HSP90AB1: variants seen among roughly 807,000 people sequenced by gnomAD.
HSP90AB1 encodes heat shock protein 90 alpha family class B member 1.
HSP90AB1 carries 17 observed loss-of-function variants against 67.8 expected under a neutral mutation model. The observed-to-expected ratio is 0.25, with a 90% CI of 0.17 to 0.38. HSP90AB1 has a LOEUF of 0.38. HSP90AB1 is among the 10% of genes least tolerant of loss of function. The pLI is 1.00. For missense variants in HSP90AB1, 690 were observed against 899.9 expected, an observed-to-expected ratio of 0.77 and a Z score of 2.98; for synonymous variants, 390 against 312.9, an observed-to-expected ratio of 1.25 and a Z score of -2.60.
At chr6:44,246,925 A>C (rs957786244), upstream of HSP90AB1, among the ~76,000 whole-genome samples, 5 of 152,138 alleles carry the variant, frequency 3.3e-5, no homozygotes, top group Non-Finnish European at 5.9e-5. Context: ...GTGTGGGCGG[A>C]TCCGTTGCTT....
At position 44,253,213 on chromosome 6, in the gene HSP90AB1, A is replaced by G; in HGVS notation, c.1900A>G (p.Ile634Val). The change falls in exon 11 of 12, where the codon ATT becomes GTT. Residue 634 changes from isoleucine to valine, a missense_variant. Around this residue, in one of 7 missense-constraint regions of HSP90AB1, gnomAD observed 120 missense variants for 153.5 expected, o/e 0.78. Coordinates refer to ENST00000371646, the MANE Select transcript of HSP90AB1 (RefSeq NM_007355.4). ...CCTGGAGATCAACCCTGACCACCCC[A>G]TTGTGGAGACGCTGCGGCAGAAGGC... is the stretch of plus-strand genomic sequence containing the variant. ...KHLEINPDHP[I>V]VETLRQKAEA... 2 of 1,614,200 alleles carry G rather than the reference A, an allele frequency of 1.2e-6. No homozygotes were observed. The highest frequency in any genetic ancestry group is 8.5e-7 in the Non-Finnish European group (1 of 1,180,032).
At chr6:44,250,718 G>T in intron 6 of HSP90AB1, 119 bp downstream of exon 6, 2 of 666,634 alleles carry the variant, frequency 3.0e-6, no homozygotes, top group South Asian at 3.8e-5. Flanking sequence ...AAATGTGATA[G>T]CCATGTGATT....
upstream of HSP90AB1, chr6:44,247,009 A>AC (rs1179167671): frequency 6.6e-6 from 1 of 152,064 alleles, no homozygotes; most frequent in African/African-American, 2.4e-5. Flanking sequence ...TGCGGGGTTG[A>AC]CAATCATACT....
chr6:44,248,528 T>G (rs1167878099), intron 1 of HSP90AB1, 102 bp from the exon 2 acceptor site: 8 of 1,076,584 alleles, frequency 7.4e-6, no homozygotes, highest in African/African-American at 1.6e-5. Flanking sequence ...GTTAAACCAG[T>G]CTGAACTCAC....
rs1348602160 is a variant in HSP90AB1 at position 44,252,213 on chromosome 6, G to A, written c.1677G>A (p.Lys559=). 1.2e-6 allele frequency: 2 copies of A among 1,614,202 alleles called. No individual in the cohort carries two copies. The highest frequency in any genetic ancestry group is 8.5e-7 in the Non-Finnish European group (1 of 1,180,044). The change falls in exon 10 of 12, where the codon AAG becomes AAA. Residue 559 remains lysine, a synonymous_variant. Coordinates refer to ENST00000371646, the MANE Select transcript of HSP90AB1 (RefSeq NM_007355.4). ...AGAAGATGGAAGAGAGCAAGGCAAA[G>A]TTTGAGAACCTCTGCAAGCTCATGA... ...EKKKMEESKA[K]FENLCKLMKE...
rs1389700450 is a variant in HSP90AB1 at position 44,253,433 on chromosome 6, A to G, written c.2065+55A>G. 35 of 1,604,142 alleles carry G rather than the reference A, an allele frequency of 2.2e-5. No individual in the cohort carries two copies. In the East Asian group the frequency reaches 2.7e-4, roughly 12 times the overall value. On this transcript the variant is annotated intron_variant, in intron 11 of 11. Coordinates refer to ENST00000371646, the MANE Select transcript of HSP90AB1 (RefSeq NM_007355.4). ...GGAGTTTGTGCAACTCGTCTCCTCTATGGATTTGACTTAATGCTATTTGGT... is the reference window on the plus strand; with the variant it reads ...GGAGTTTGTGCAACTCGTCTCCTCTGTGGATTTGACTTAATGCTATTTGGT...
rs1316131598 is a variant in HSP90AB1 at position 44,250,583 on chromosome 6, A to G, written c.941A>G (p.Asp314Gly). The G allele has an allele frequency of 3.1e-6, 5 of 1,600,606 alleles. No individual in the cohort carries two copies. Among genetic ancestry groups the G allele is most frequent in the Non-Finnish European group, 3.4e-6 (4 of 1,169,058 alleles). ...AAGAGCCTCACTAATGACTGGGAAG[A>G]CCACTTGGCAGTCAAGGTGTGAGAA... is the stretch of plus-strand genomic sequence containing the variant. ...FYKSLTNDWE[D>G]HLAVKHFSVE... The change falls in exon 6 of 12, where the codon GAC becomes GGC. Residue 314 changes from aspartate to glycine, a missense_variant. Around this residue, in one of 7 missense-constraint regions of HSP90AB1, gnomAD observed 101 missense variants for 174.8 expected, o/e 0.58. Coordinates refer to ENST00000371646, the MANE Select transcript of HSP90AB1 (RefSeq NM_007355.4).
At chr6:44,248,806 G>A in intron 2 of HSP90AB1, 30 bp downstream of exon 2, 1 of 1,515,496 alleles carries the variant, frequency 6.6e-7, no homozygotes, top group Non-Finnish European at 8.8e-7. Flanking sequence ...CATTTGGCAT[G>A]GTTTTTTTTT....
Position 44,251,823 on chromosome 6 carries a change from ATC to A in HSP90AB1, c.1405_1406del (p.Leu469ValfsTer20). The A allele has an allele frequency of 6.2e-7, 1 of 1,613,072 alleles. No homozygotes were observed. Among genetic ancestry groups the A allele is most frequent in the Non-Finnish European group, 8.5e-7 (1 of 1,180,036 alleles). ...CCTCCCAGTCTGGAGATGAGATGAC[ATC>A]TCTGTCAGAGTATGTTTCTCGCATG... is the stretch of plus-strand genomic sequence containing the variant. The part of the protein sequence containing the change: ...HTSQSGDEMT[S>X]LSEYVSRMKE... On this transcript the variant is annotated frameshift_variant, in exon 9 of 12. Coordinates refer to ENST00000371646, the MANE Select transcript of HSP90AB1 (RefSeq NM_007355.4). LOFTEE classifies it high-confidence loss of function.
Position 44,250,987 on chromosome 6 carries a change from T to G in HSP90AB1, c.958-61T>G, listed in dbSNP as rs1009639362. The G allele has an allele frequency of 2.9e-6, 4 of 1,383,900 alleles. No individual in the cohort carries two copies. In the African/African-American group the frequency reaches 5.7e-5, roughly 20 times the overall value. 85.7% of individuals were successfully genotyped at this position (1,383,900 alleles called of 1,614,324 possible). A position where few individuals can be genotyped will look rare whatever the true frequency, so the allele number is the denominator to read the frequency against. On this transcript the variant is annotated intron_variant, in intron 6 of 11. Transcript: ENST00000371646. ...GATCATTGTTCCACTTTTAGATAATTTGGTGTTGGGGCTAAAAGGTCCTCT... is the reference window on the plus strand; with the variant it reads ...GATCATTGTTCCACTTTTAGATAATGTGGTGTTGGGGCTAAAAGGTCCTCT...
intron 10 of HSP90AB1, 71 bp downstream of exon 10, chr6:44,252,338 A>G: frequency 1.4e-6 from 2 of 1,452,550 alleles, no homozygotes; most frequent in Non-Finnish European, 1.9e-6. Context: ...GCATGTTTCT[A>G]TACAATTAGT....
chr6:44,253,774 C>T lies in HSP90AB1; in HGVS notation c.*176C>T, dbSNP rs992221316. 15 of 777,714 alleles carry T rather than the reference C, an allele frequency of 1.9e-5. No individual in the cohort carries two copies. Among genetic ancestry groups the T allele is most frequent in the Non-Finnish European group, 3.1e-5 (13 of 416,946 alleles). The allele number at this position is 777,714 out of a possible 1,614,324, so 48.2% of individuals were successfully genotyped here. On this transcript the variant is annotated 3_prime_UTR_variant, in exon 12 of 12. Coordinates refer to ENST00000371646, the MANE Select transcript of HSP90AB1 (RefSeq NM_007355.4). ...CTAAGGGTGTCAAGCCCCATTCCCT[C>T]TCTACTCTTGACAGCAGGATTGGAT...
rs774219552 is a variant in HSP90AB1, at chr6:44,248,589, G to C, written c.1-41G>C. On this transcript the variant is annotated intron_variant, in intron 1 of 11. Coordinates refer to ENST00000371646, the MANE Select transcript of HSP90AB1 (RefSeq NM_007355.4). ...GACCTTTAGGATTTTTAAACATGGGGCCTTAGTGTTCTTTTGTAATTAATG... is the reference window on the plus strand; with the variant it reads ...GACCTTTAGGATTTTTAAACATGGGCCCTTAGTGTTCTTTTGTAATTAATG... 79 of 1,582,506 alleles carry C rather than the reference G, an allele frequency of 5.0e-5. 1 individual carries two copies. Among genetic ancestry groups the C allele is most frequent in the Non-Finnish European group, 6.7e-5 (78 of 1,162,212 alleles).
At position 44,252,286 on chromosome 6, in the gene HSP90AB1, A is replaced by G. The variant is rs368336288; in HGVS notation, c.1731+19A>G. 24 of 1,608,260 alleles carry G rather than the reference A, an allele frequency of 1.5e-5. No individual in the cohort carries two copies. The highest frequency in any genetic ancestry group is 5.5e-5 in the South Asian group (5 of 90,878). On this transcript the variant is annotated intron_variant, in intron 10 of 11. Transcript: ENST00000371646. ...TGAGAAGGTAAGCCATTCTGGGGCT[A>G]GGATATATTTTGTAACATCTTCGAG...
Position 44,252,079 on chromosome 6 carries a change from G to C in HSP90AB1, c.1543G>C (p.Glu515Gln), listed in dbSNP as rs371199616. ...GGGCTTCGAGGTGGTATATATGACC[G>C]AGCCCATTGACGAGTACTGTGTGCA... ...KRGFEVVYMTEPIDEYCVQQL... is the reference protein window; with the variant it reads ...KRGFEVVYMTQPIDEYCVQQL... The change falls in exon 10 of 12, where the codon GAG (glutamate) becomes CAG (glutamine). Residue 515 changes from glutamate (E) to glutamine (Q), a missense_variant. By Grantham distance (29) the Glu-to-Gln change is conservative. Transcript: ENST00000371646. The C allele has an allele frequency of 2.5e-6, 4 of 1,614,040 alleles. No individual in the cohort carries two copies. The highest frequency in any genetic ancestry group is 1.3e-5 in the African/African-American group (1 of 74,918).
In HSP90AB1 at chr6:44,250,400, T is replaced by G. The variant is rs1780493110; in HGVS notation, c.758T>G (p.Val253Gly). The part of the protein sequence containing the change: ...DDEEKPKIED[V>G]GSDEEDDSGK... Reference sequence around the variant, plus strand: ...GAAGAAAAACCCAAGATCGAAGATGTGGGTTCAGATGAGGAGGATGACAGC... The same window carrying G: ...GAAGAAAAACCCAAGATCGAAGATGGGGGTTCAGATGAGGAGGATGACAGC... The change falls in exon 6 of 12, where the codon GTG becomes GGG. Residue 253 changes from valine to glycine, a missense_variant. This residue lies in a region of HSP90AB1 where 146 missense variants were observed against 143.7 expected (regional missense o/e 1.02). Coordinates refer to ENST00000371646, the MANE Select transcript of HSP90AB1 (RefSeq NM_007355.4). 2 of 1,613,520 alleles carry G rather than the reference T, an allele frequency of 1.2e-6. No homozygotes were observed. Among genetic ancestry groups the G allele is most frequent in the South Asian group, 2.2e-5 (2 of 91,056 alleles).
chr6:44,250,374 T>C lies in HSP90AB1; in HGVS notation c.732T>C (p.Asp244=). ...KGEKEEEDKD[D]EEKPKIEDVG... ...AGAAAGAAGAGGAAGATAAAGATGA[T>C]GAAGAAAAACCCAAGATCGAAGATG... The change falls in exon 6 of 12, where the codon GAT becomes GAC. Residue 244 remains aspartate (D), a synonymous_variant. Coordinates refer to ENST00000371646, the MANE Select transcript of HSP90AB1 (RefSeq NM_007355.4). 6.2e-7 allele frequency: 1 copy of C among 1,613,540 alleles called. No homozygotes were observed. The highest frequency in any genetic ancestry group is 8.5e-7 in the Non-Finnish European group (1 of 1,179,678).
At chr6:44,247,704 T>C (rs1780094812) in intron 1 of HSP90AB1, among the ~76,000 whole-genome samples, 2 of 152,210 alleles carry the variant, frequency 1.3e-5, no homozygotes, top group African/African-American at 2.4e-5. Context: ...GCTTTCGGTC[T>C]CCAGCACCCG....
At chr6:44,249,878 C>G in intron 4 of HSP90AB1, 44 bp downstream of exon 4, 1 of 1,594,466 alleles carries the variant, frequency 6.3e-7, no homozygotes, top group Non-Finnish European at 8.6e-7. Context: ...TTAGGATTTT[C>G]TGGGCTCACA....
Sources: gnomAD v4.1 joint callset for allele counts (sites outside exome capture counted in the v4.1 genomes callset) on GRCh38, gnomAD v4.1.1 for gene constraint, gnomAD v4.1.1 regional missense constraint, MANE v1.5 for transcripts, NCBI Gene and HGNC (gene_info 2026-07-23, HGNC 2026-07-21) for gene names.